The following NOL8 variants were observed in gnomAD, a reference collection of about 807,000 sequenced individuals.
The protein encoded by NOL8 is nucleolar protein 8, also known as nucleolar protein Nop132.
NOL8 carries 93 observed loss-of-function variants against 116.1 expected under a neutral mutation model. The observed-to-expected ratio is 0.80, with a 90% CI of 0.68 to 0.95. NOL8 has a LOEUF of 0.95. NOL8 is among the 40% of genes least tolerant of loss of function. NOL8 has a pLI of 0.00. For missense variants in NOL8, 1,291 were observed against 1,382.8 expected, an observed-to-expected ratio of 0.93 and a Z score of 1.05; for synonymous variants, 419 against 469.0, an observed-to-expected ratio of 0.89 and a Z score of 1.38.
chr9:92,323,680 CA>C (rs373582810), intron 2 of NOL8, among the ~76,000 whole-genome samples, 177 bp from the exon 3 acceptor site: 160 of 137,948 alleles, frequency 1.2e-3, no homozygotes, highest in Admixed American at 2.4e-3. Flanking sequence ...CAAAATATTC[CA>C]AAAAAAAAAA....
intron 12 of NOL8, among the ~76,000 whole-genome samples, chr9:92,303,418 T>A (rs1178834275): frequency 6.6e-6 from 1 of 152,150 alleles, no homozygotes; most frequent in Non-Finnish European, 1.5e-5. Flanking sequence ...AAATGAAAAT[T>A]TCAGTGTCCT....
chr9:92,316,139 G>A lies in NOL8; in HGVS notation c.487-1C>T, dbSNP rs751993143. ...ATTTTGAGGGATCATATTTGATGAT[G>A]TTACGCAAGTCAAGAAACAAAACTA... On this transcript the variant is annotated splice_acceptor_variant, in intron 6 of 16. Coordinates refer to ENST00000442668, the MANE Select transcript of NOL8 (RefSeq NM_017948.6). LOFTEE classifies it high-confidence loss of function. 1 of 1,604,808 alleles carries A rather than the reference G, an allele frequency of 6.2e-7. No individual in the cohort carries two copies. Among genetic ancestry groups the A allele is most frequent in the East Asian group, 2.2e-5 (1 of 44,776 alleles).
intron 7 of NOL8, 74 bp downstream of exon 7, chr9:92,314,193 C>G: frequency 6.7e-7 from 1 of 1,488,380 alleles, no homozygotes; most frequent in Non-Finnish European, 8.9e-7. Flanking sequence ...TATGGGGGCA[C>G]ACCTAACTTC....
Position 92,320,853 on chromosome 9 carries a change from C to T in NOL8, c.281+815G>A, listed in dbSNP as rs137951085. On this transcript the variant is annotated intron_variant, in intron 4 of 16. Coordinates refer to ENST00000442668, the MANE Select transcript of NOL8 (RefSeq NM_017948.6). ...AACTCCTGACCTCAGGTGATCCACC[C>T]GCCTCGGCCTCCCAAAGTGCTGGGA... Among the ~76,000 whole-genome samples, 342 of 152,280 alleles carry T rather than the reference C, an allele frequency of 2.2e-3. 4 individuals carry two copies. Among genetic ancestry groups the T allele is most frequent in the African/African-American group, 7.7e-3 (320 of 41,566 alleles).
At chr9:92,305,629 T>TAC in intron 12 of NOL8, 124 bp downstream of exon 12, 1 of 720,714 alleles carries the variant, frequency 1.4e-6, no homozygotes, top group Non-Finnish European at 2.4e-6. Flanking sequence ...GCACTACCCC[T>TAC]ACCCCACCAA....
Position 92,314,292 on chromosome 9 carries a change from A to C in NOL8, c.2333T>G (p.Leu778Arg). Residue 778 changes from leucine (L) to arginine (R), a missense_variant, in exon 7 of 17, where the codon CTG becomes CGG. Coordinates refer to ENST00000442668, the MANE Select transcript of NOL8 (RefSeq NM_017948.6). ...CAAATTTGCCAGAGCATTATGCACC[A>C]GCTTCTTCTGCACTTCTTTTGCTTT... ...RQKAKEVQKK[L>R]VHNALANLDG... The C allele has an allele frequency of 1.3e-6, 2 of 1,590,702 alleles. No individual in the cohort carries two copies. Among genetic ancestry groups the C allele is most frequent in the Non-Finnish European group, 1.7e-6 (2 of 1,165,340 alleles).
intron 14 of NOL8, 89 bp downstream of exon 14, chr9:92,299,801 T>C (rs745868958): frequency 6.7e-6 from 9 of 1,347,602 alleles, no homozygotes; most frequent in South Asian, 5.4e-5. Context: ...TTAGTTGTCA[T>C]GTGAAGAGAA....
chr9:92,324,124 C>T lies in NOL8; in HGVS notation c.38G>A (p.Gly13Asp), dbSNP rs1186379339. 7.4e-6 allele frequency: 12 copies of T among 1,613,796 alleles called. No individual in the cohort carries two copies. The South Asian group carries it at 8.8e-5, about 12-fold the overall frequency. Residue 13 changes from glycine to aspartate, a missense_variant, in exon 2 of 17, where the codon GGT becomes GAT. Physicochemically the swap from Gly to Asp is moderately conservative, Grantham distance 94. Coordinates refer to ENST00000442668, the MANE Select transcript of NOL8 (RefSeq NM_017948.6). ...VNRETKRLYV[G>D]GLSQDISEAD... Reference sequence around the variant, plus strand: ...CTCAGAAATGTCCTGGCTAAGGCCACCCACATAAAGGCGCTTCGTTTCTCT... The same window carrying T: ...CTCAGAAATGTCCTGGCTAAGGCCATCCACATAAAGGCGCTTCGTTTCTCT...
chr9:92,302,268 A>G (rs1837818233), intron 12 of NOL8, among the ~76,000 whole-genome samples: 1 of 152,190 alleles, frequency 6.6e-6, no homozygotes, highest in Non-Finnish European at 1.5e-5. Context: ...ATTAATTATA[A>G]ATATGTATAG....
intron 12 of NOL8, among the ~76,000 whole-genome samples, chr9:92,302,296 T>C (rs1333786031): frequency 6.6e-6 from 1 of 152,174 alleles, no homozygotes; most frequent in Non-Finnish European, 1.5e-5. Flanking sequence ...TGAAATGAAA[T>C]TTTTATATTA....
chr9:92,301,168 T>TG (rs1280989011), intron 13 of NOL8, among the ~76,000 whole-genome samples: 8 of 152,256 alleles, frequency 5.3e-5, no homozygotes, highest in Admixed American at 1.3e-4. Context: ...CAAGGTTACC[T>TG]ATATCTTCTT....
rs762824236 is a variant in NOL8 at position 92,298,927 on chromosome 9, G to C, written c.3330C>G (p.Thr1110=). Residue 1110 remains threonine (T), a synonymous_variant, in exon 15 of 17, where the codon ACC becomes ACG. Coordinates refer to ENST00000442668, the MANE Select transcript of NOL8 (RefSeq NM_017948.6). Reference sequence around the variant, plus strand: ...TCTTAGAGAAAAAGAAAAATCTAGTGGTCTCTTTCTCAAGTAATGATGCTT... The same window carrying C: ...TCTTAGAGAAAAAGAAAAATCTAGTCGTCTCTTTCTCAAGTAATGATGCTT... The part of the protein sequence containing the change: ...PGEASLLEKE[T]TRFFFFSKND... 5 of 1,530,350 alleles carry C rather than the reference G, an allele frequency of 3.3e-6. No individual in the cohort carries two copies. The highest frequency in any genetic ancestry group is 4.9e-5 in the East Asian group (2 of 40,586). The allele number at this position is 1,530,350 out of a possible 1,614,324, so 94.8% of individuals were successfully genotyped here. A position where few individuals can be genotyped will look rare whatever the true frequency, so the allele number is the denominator to read the frequency against.
intron 12 of NOL8, among the ~76,000 whole-genome samples, chr9:92,303,803 C>CT (rs1014392705): frequency 6.6e-6 from 1 of 151,946 alleles, no homozygotes. Flanking sequence ...GACCCTGTCT[C>CT]TAAGATTATA....
rs373176473 is a variant in NOL8, at chr9:92,314,970, T to C, written c.1655A>G (p.Glu552Gly). ...AEIVASLLEG[E>G]ENTCGKQKPK... ...TTTCTGTTTGCCACAGGTGTTCTCC[T>C]CTCCTTCTAACAGGGAAGCCACAAT... Residue 552 changes from glutamate (E) to glycine (G), a missense_variant, in exon 7 of 17, where the codon GAG (glutamate) becomes GGG (glycine). By Grantham distance (98) the Glu-to-Gly change is moderately conservative. Transcript: ENST00000442668. 4.4e-5 allele frequency: 71 copies of C among 1,613,854 alleles called. No individual in the cohort carries two copies. The highest frequency in any genetic ancestry group is 5.8e-5 in the Non-Finnish European group (68 of 1,179,884).
At chr9:92,311,301 T>G (rs1181644674) in intron 7 of NOL8, 42 bp from the exon 8 acceptor site, 12 of 1,445,414 alleles carry the variant, frequency 8.3e-6, no homozygotes, top group Non-Finnish European at 1.2e-5. Flanking sequence ...AAAAGATTTA[T>G]GATGAAGACT....
chr9:92,318,394 C>T (rs561202279), intron 6 of NOL8, among the ~76,000 whole-genome samples: 1 of 152,112 alleles, frequency 6.6e-6, no homozygotes, highest in African/African-American at 2.4e-5. Context: ...ATTAATAAAC[C>T]AACCTGCTTC....
chr9:92,315,539 G>T lies in NOL8; in HGVS notation c.1086C>A (p.Cys362Ter). 6.2e-7 allele frequency: 1 copy of T among 1,611,364 alleles called. No homozygotes were observed. Among genetic ancestry groups the T allele is most frequent in the Non-Finnish European group, 8.5e-7 (1 of 1,178,888 alleles). ...IGLGIKNRVS[C>*]HDSDDDIMRN... The stretch of plus-strand genomic sequence containing the variant: ...TCATAATATCATCATCACTATCATG[G>T]CAAGAGACACGATTTTTGATACCTA... The change falls in exon 7 of 17, where the codon TGC becomes TGA. Residue 362 changes from cysteine (C) to a stop codon, truncating the protein, a stop_gained. Coordinates refer to ENST00000442668, the MANE Select transcript of NOL8 (RefSeq NM_017948.6). LOFTEE classifies it high-confidence loss of function.
intron 10 of NOL8, chr9:92,308,948 T>G (rs895832040): frequency 2.0e-5 from 3 of 152,248 alleles, no homozygotes; most frequent in African/African-American, 7.2e-5. Context: ...CATTCTTGTG[T>G]TTTCAACATG....
At position 92,315,611 on chromosome 9, in the gene NOL8, C is replaced by T. The variant is rs780961011; in HGVS notation, c.1014G>A (p.Arg338=). The change falls in exon 7 of 17, where the codon AGG becomes AGA. Residue 338 remains arginine, a synonymous_variant. Coordinates refer to ENST00000442668, the MANE Select transcript of NOL8 (RefSeq NM_017948.6). ...TGTGAACGCCTGATTTGAAATCATC[C>T]CTTACAACTTCAAAAGGATCACTTT... ...ESESDPFEVV[R]DDFKSGVHKL... is the part of the protein sequence containing the mutation. The T allele has an allele frequency of 6.2e-7, 1 of 1,613,194 alleles. No homozygotes were observed. Among genetic ancestry groups the T allele is most frequent in the Non-Finnish European group, 8.5e-7 (1 of 1,179,658 alleles).
Sources: gnomAD v4.1 joint callset for allele counts (sites outside exome capture counted in the v4.1 genomes callset) on GRCh38, gnomAD v4.1.1 for gene constraint, MANE v1.5 for transcripts, NCBI Gene and HGNC (gene_info 2026-07-23, HGNC 2026-07-21) for gene names.